Variants in VTCN1 observed in about 807,000 individuals in gnomAD.
VTCN1 encodes V-set domain containing T cell activation inhibitor 1, also known as V-set domain-containing T-cell activation inhibitor 1.
Under a neutral mutation model 26.5 loss-of-function variants are expected in VTCN1, and 26 were observed. That is an observed-to-expected ratio of 0.98 (90% CI 0.72 to 1.36). VTCN1 has a LOEUF of 1.36. VTCN1 is among the 40% of genes most tolerant of loss of function. The probability of loss-of-function intolerance (pLI) is 0.00; values close to 1 mark genes in which losing one functional copy is unlikely to be tolerated. For missense variants in VTCN1, 298 were observed against 337.7 expected, an observed-to-expected ratio of 0.88 and a Z score of 0.92; for synonymous variants, 116 against 130.7, an observed-to-expected ratio of 0.89 and a Z score of 0.77.
intron 1 of VTCN1, among the ~76,000 whole-genome samples, chr1:117,176,973 T>C (rs1647383012): frequency 6.6e-6 from 1 of 152,000 alleles, no homozygotes; most frequent in South Asian, 2.1e-4. Flanking sequence ...GTGGTGTGCA[T>C]GCGTAGTCCC....
At chr1:117,185,682 C>A (rs1395858395) in intron 1 of VTCN1, among the ~76,000 whole-genome samples, 1 of 152,192 alleles carries the variant, frequency 6.6e-6, no homozygotes, top group African/African-American at 2.4e-5. Context: ...CTCTCTGAAG[C>A]CTACTTGGAG....
chr1:117,200,836 C>T (rs1648749284), intron 1 of VTCN1, among the ~76,000 whole-genome samples: 1 of 152,172 alleles, frequency 6.6e-6, no homozygotes, highest in Admixed American at 6.5e-5. Flanking sequence ...GTGGTGTGAT[C>T]TCAGCTCAGT....
intron 1 of VTCN1, among the ~76,000 whole-genome samples, chr1:117,209,740 A>C (rs748257548): frequency 9.2e-5 from 14 of 152,324 alleles, no homozygotes; most frequent in African/African-American, 2.6e-4. Flanking sequence ...AGCCACCCCC[A>C]CCAGCCCTGC....
intron 1 of VTCN1, among the ~76,000 whole-genome samples, chr1:117,193,587 T>C (rs1169966078): frequency 6.6e-6 from 1 of 152,020 alleles, no homozygotes; most frequent in Non-Finnish European, 1.5e-5. Context: ...ACTTGGAGCA[T>C]CTAAATATAT....
chr1:117,158,392 G>A (rs1349098791), intron 2 of VTCN1, among the ~76,000 whole-genome samples: 2 of 152,194 alleles, frequency 1.3e-5, no homozygotes, highest in East Asian at 3.9e-4. Context: ...GCACTCACAG[G>A]CTCAACACCA....
intron 4 of VTCN1, among the ~76,000 whole-genome samples, chr1:117,151,200 CTTT>C (rs796226289): frequency 5.2e-5 from 7 of 135,818 alleles, no homozygotes; most frequent in Admixed American, 1.5e-4. Context: ...TGTTACAGTT[CTTT>C]TTTTTTTTTT....
intron 1 of VTCN1, among the ~76,000 whole-genome samples, chr1:117,182,945 G>A (rs1047418811): frequency 1.3e-5 from 2 of 152,212 alleles, no homozygotes; most frequent in Middle Eastern, 3.4e-3. Context: ...GATGGGCTAC[G>A]GAGCTCTTAT....
intron 1 of VTCN1, among the ~76,000 whole-genome samples, chr1:117,186,394 A>G (rs1438703835): frequency 6.6e-6 from 1 of 152,234 alleles, no homozygotes; most frequent in Non-Finnish European, 1.5e-5. Flanking sequence ...AGCGTCTTCA[A>G]GATGCTGGGG....
At chr1:117,170,512 G>A (rs114927014) in intron 1 of VTCN1, among the ~76,000 whole-genome samples, 1,540 of 152,162 alleles carry the variant, frequency 0.01, 24 homozygotes, top group African/African-American at 0.034. Context: ...ACTTGAGAAG[G>A]ACTGGTCCTG....
chr1:117,183,192 G>A lies in VTCN1; in HGVS notation c.33-13021C>T, dbSNP rs545793383. Among the ~76,000 whole-genome samples, 1 of 152,202 alleles carries A rather than the reference G, an allele frequency of 6.6e-6. No individual in the cohort carries two copies. The highest frequency in any genetic ancestry group is 1.5e-5 in the Non-Finnish European group (1 of 68,024). On this transcript the variant is annotated intron_variant, in intron 1 of 5. Coordinates refer to ENST00000369458, the MANE Select transcript of VTCN1 (RefSeq NM_024626.4). This position sits in a 1 kb window ranked among gnomAD's most constrained non-coding sequence, Gnocchi z 4.1. ...CACTCCATCCATTCTAAACCACTCT[G>A]GGTCCCTGACTACGCCAGGCTGCTT...
In VTCN1 at chr1:117,177,960, C is replaced by T. The variant is rs865916494; in HGVS notation, c.33-7789G>A. On this transcript the variant is annotated intron_variant, in intron 1 of 5. Transcript: ENST00000369458. The stretch of plus-strand genomic sequence containing the variant: ...TTTTGGCGGGGTAGGTTGGGGGTGG[C>T]GACAGCCTCATTTTGTTGCCCATGC... Among the ~76,000 whole-genome samples the T allele has an allele frequency of 6.2e-4, 81 of 131,148 alleles. 1 individual carries two copies. Among genetic ancestry groups the T allele is most frequent in the Middle Eastern group, 8.5e-3 (2 of 236 alleles). 86.0% of individuals were successfully genotyped at this position (131,148 alleles called of 152,430 possible). A position where few individuals can be genotyped will look rare whatever the true frequency, so the allele number is the denominator to read the frequency against.
chr1:117,179,945 A>C (rs1301780476), intron 1 of VTCN1, among the ~76,000 whole-genome samples: 1 of 152,140 alleles, frequency 6.6e-6, no homozygotes, highest in Non-Finnish European at 1.5e-5. Flanking sequence ...GCAGGATTAG[A>C]CTCAGGTCTC....
chr1:117,177,769 G>A (rs1647436592), intron 1 of VTCN1, among the ~76,000 whole-genome samples: 1 of 151,512 alleles, frequency 6.6e-6, no homozygotes, highest in Non-Finnish European at 1.5e-5. Flanking sequence ...GTAAAACTAG[G>A]GTAATATGGC....
rs372204382 is a variant in VTCN1, at chr1:117,147,671, A to G, written c.836T>C (p.Leu279Pro). The G allele has an allele frequency of 1.9e-6, 3 of 1,612,954 alleles. No homozygotes were observed. Among genetic ancestry groups the G allele is most frequent in the Non-Finnish European group, 2.5e-6 (3 of 1,179,630 alleles). ...GGCCGAGGCACATTATTTTAGCATC[A>G]GGTAAGGGCTGAGAGGCAGAAGTGC... is the stretch of plus-strand genomic sequence containing the variant. The part of the protein sequence containing the change: ...SWALLPLSPY[L>P]MLK Residue 279 changes from leucine (L) to proline (P), a missense_variant, in exon 5 of 6, where the codon CTG becomes CCG. Leu to Pro is a moderately conservative substitution (Grantham distance 98). Coordinates refer to ENST00000369458, the MANE Select transcript of VTCN1 (RefSeq NM_024626.4). This position sits in a 1 kb window ranked among gnomAD's most constrained non-coding sequence, Gnocchi z 4.6.
intron 1 of VTCN1, among the ~76,000 whole-genome samples, chr1:117,204,976 T>C (rs1648967019): frequency 6.6e-6 from 1 of 150,994 alleles, no homozygotes; most frequent in Non-Finnish European, 1.5e-5. Context: ...GTGTACTGAC[T>C]TTCTGAACTT....
intron 2 of VTCN1, among the ~76,000 whole-genome samples, chr1:117,160,724 T>TTGC: frequency 6.6e-6 from 1 of 152,228 alleles, no homozygotes; most frequent in East Asian, 1.9e-4. Flanking sequence ...GACGTGTTTG[T>TTGC]TGTTGTTGTT....
rs1261195500 is a variant in VTCN1 at position 117,144,198 on chromosome 1, T to C, written c.*1073A>G. The C allele has an allele frequency of 6.6e-6, 1 of 152,240 alleles. No homozygotes were observed. The highest frequency in any genetic ancestry group is 6.5e-5 in the Admixed American group (1 of 15,282). 9.4% of individuals were successfully genotyped at this position (152,240 alleles called of 1,614,324 possible). A position where few individuals can be genotyped will look rare whatever the true frequency, so the allele number is the denominator to read the frequency against. On this transcript the variant is annotated 3_prime_UTR_variant, in exon 6 of 6. Coordinates refer to ENST00000369458, the MANE Select transcript of VTCN1 (RefSeq NM_024626.4). ...GCCCTTTTCTACTCAAAACCAGGGT[T>C]TCTTAGCCCTGACACAGTTGACACT...
intron 1 of VTCN1, chr1:117,203,480 C>G (rs994941745): frequency 5.3e-5 from 23 of 435,208 alleles, no homozygotes; most frequent in South Asian, 3.8e-4. Flanking sequence ...ACTGCCTGCC[C>G]TCTTTCCCAT....
At chr1:117,196,852 A>G (rs1648537469) in intron 1 of VTCN1, among the ~76,000 whole-genome samples, 1 of 152,188 alleles carries the variant, frequency 6.6e-6, no homozygotes, top group Non-Finnish European at 1.5e-5. Flanking sequence ...ACCCCAGGCA[A>G]TGATTAGACA....
Sources: gnomAD v4.1 joint callset for allele counts (sites outside exome capture counted in the v4.1 genomes callset) on GRCh38, gnomAD v4.1.1 for gene constraint, Gnocchi (gnomAD v3.1) non-coding constraint, MANE v1.5 for transcripts, NCBI Gene and HGNC (gene_info 2026-07-23, HGNC 2026-07-21) for gene names.